Variants in TECTB observed in about 807,000 individuals in gnomAD.
The protein encoded by TECTB is tectorin beta, also known as beta-tectorin.
A neutral mutation model predicts 43.3 loss-of-function variants in TECTB; 45 were observed. The observed-to-expected ratio is 1.04, with a 90% CI of 0.82 to 1.33. TECTB has a LOEUF of 1.33. Ranked by LOEUF, TECTB falls within the 40% of genes most tolerant of loss-of-function variation. The pLI is 0.00. For missense variants in TECTB, 399 were observed against 404.7 expected (o/e 0.99, Z 0.12); for synonymous variants, 169 against 156.7 (o/e 1.08, Z -0.59).
chr10:112,288,793 G>A (rs956559007), intron 5 of TECTB, among the ~76,000 whole-genome samples: 1 of 152,194 alleles, frequency 6.6e-6, no homozygotes, highest in African/African-American at 2.4e-5. Flanking sequence ...CTACTCAGCA[G>A]GCTTCCTCTT....
At position 112,299,496 on chromosome 10, in the gene TECTB, G is replaced by T. The variant is rs148677379; in HGVS notation, c.839G>T (p.Cys280Phe). ...DSEKLSCPVT[C>F]DKRKRLLRDQ... Reference sequence around the variant, plus strand: ...TCTGCCTCTCTGGGTCTTCAGACCTGCGATAAACGGAAGCGCCTCCTGCGA... The same window carrying T: ...TCTGCCTCTCTGGGTCTTCAGACCTTCGATAAACGGAAGCGCCTCCTGCGA... Residue 280 changes from cysteine (C) to phenylalanine (F), a missense_variant, in exon 9 of 11, where the codon TGC becomes TTC. Transcript: ENST00000646139. 6.2e-6 allele frequency: 10 copies of T among 1,614,086 alleles called. No individual in the cohort carries two copies. The highest frequency in any genetic ancestry group is 4.0e-5 in the African/African-American group (3 of 74,928).
intron 2 of TECTB, among the ~76,000 whole-genome samples, chr10:112,284,177 A>G (rs1661120149): frequency 6.6e-6 from 1 of 152,192 alleles, no homozygotes; most frequent in African/African-American, 2.4e-5. Context: ...CATGAAATTG[A>G]CATTTAAAAT....
rs1311845256 is a variant in TECTB, at chr10:112,284,714, A to G, written c.256A>G (p.Thr86Ala). 1 of 1,596,160 alleles carries G rather than the reference A, an allele frequency of 6.3e-7. No homozygotes were observed. The highest frequency in any genetic ancestry group is 8.5e-7 in the Non-Finnish European group (1 of 1,170,274). The stretch of plus-strand genomic sequence containing the variant: ...ACCTAAAAACAAGTCCTATTGTGGA[A>G]CCCAGTCTGAGGTAAGACCAGGCCA... Reference protein sequence around the residue: ...LSPKNKSYCGTQSEYKPPIYH... With the variant: ...LSPKNKSYCGAQSEYKPPIYH... The change falls in exon 3 of 11, where the codon ACC becomes GCC. Residue 86 changes from threonine (T) to alanine (A), a missense_variant. Transcript: ENST00000646139.
intron 7 of TECTB, among the ~76,000 whole-genome samples, chr10:112,296,422 A>G (rs1848547330): frequency 6.6e-6 from 1 of 151,940 alleles, no homozygotes; most frequent in African/African-American, 2.4e-5. Context: ...AGATCTGCCT[A>G]TTTTTTGCCT....
At chr10:112,300,251 AAAG>A (rs1564710483) in intron 9 of TECTB, among the ~76,000 whole-genome samples, 1,028 of 50,020 alleles carry the variant, frequency 0.021, 8 homozygotes, top group Non-Finnish European at 0.022. Flanking sequence ...AGAAAGAAAG[AAAG>A]AAAGAAAGAA....
intron 10 of TECTB, 112 bp from the exon 11 acceptor site, chr10:112,303,151 T>C (rs1408253452): frequency 7.6e-7 from 1 of 1,314,494 alleles, no homozygotes; most frequent in African/African-American, 1.5e-5. Context: ...ATCGACTTTG[T>C]CTAAAATGTG....
At position 112,304,154 on chromosome 10, in the gene TECTB, G is replaced by A. The variant is rs1405204162; in HGVS notation, c.*842G>A. ...AACATGACTATAAAGTGACTCCAAT[G>A]ACACAAGTGCTGTGAGTTTGGTGAC... On this transcript the variant is annotated 3_prime_UTR_variant, in exon 11 of 11. Coordinates refer to ENST00000646139, the MANE Select transcript of TECTB (RefSeq NM_058222.3). 1 of 152,182 alleles carries A rather than the reference G, an allele frequency of 6.6e-6. No homozygotes were observed. Among genetic ancestry groups the A allele is most frequent in the Non-Finnish European group, 1.5e-5 (1 of 68,028 alleles). The allele number at this position is 152,182 out of a possible 1,614,324, so 9.4% of individuals were successfully genotyped here.
In TECTB at chr10:112,299,491, G is replaced by C. The variant is rs1228792056; in HGVS notation, c.835-1G>C. 1 of 1,614,172 alleles carries C rather than the reference G, an allele frequency of 6.2e-7. No individual in the cohort carries two copies. The highest frequency in any genetic ancestry group is 2.2e-5 in the East Asian group (1 of 44,880). On this transcript the variant is annotated splice_acceptor_variant, in intron 8 of 10. Transcript: ENST00000646139. LOFTEE classifies it high-confidence loss of function. ...TCCTGTCTGCCTCTCTGGGTCTTCAGACCTGCGATAAACGGAAGCGCCTCC... is the reference window on the plus strand; with the variant it reads ...TCCTGTCTGCCTCTCTGGGTCTTCACACCTGCGATAAACGGAAGCGCCTCC...
intron 9 of TECTB, 29 bp from the exon 10 acceptor site, chr10:112,302,072 T>G: frequency 6.2e-7 from 1 of 1,612,818 alleles, no homozygotes; most frequent in Non-Finnish European, 8.5e-7. Flanking sequence ...TTTCTTAAAC[T>G]TTCTGCATTC....
intron 10 of TECTB, chr10:112,302,633 A>C: frequency 3.6e-6 from 1 of 275,538 alleles, no homozygotes; most frequent in Non-Finnish European, 6.7e-6. Flanking sequence ...GGCACTGAAC[A>C]ATGCCCAGCA....
intron 9 of TECTB, among the ~76,000 whole-genome samples, chr10:112,300,162 C>CAA (rs1306586232): frequency 2.5e-5 from 1 of 39,964 alleles, no homozygotes; most frequent in African/African-American, 7.8e-5. Flanking sequence ...AACTCCGTCT[C>CAA]AAAAAAAAAA....
In TECTB at chr10:112,293,731, T is replaced by C. The variant is rs1293367236; in HGVS notation, c.484-7T>C. On this transcript the variant is annotated splice_region_variant and splice_polypyrimidine_tract_variant and intron_variant, in intron 5 of 10. Coordinates refer to ENST00000646139, the MANE Select transcript of TECTB (RefSeq NM_058222.3). ...TCATAATGCCCAGTGTCAATTTCCT[T>C]CCAAAGAATGCCAAGTTCTCCATCA... 7.4e-6 allele frequency: 12 copies of C among 1,613,270 alleles called. No individual in the cohort carries two copies. In the South Asian group the frequency reaches 1.2e-4, roughly 16 times the overall value.
intron 10 of TECTB, 29 bp from the exon 11 acceptor site, chr10:112,303,234 T>C: frequency 6.2e-7 from 1 of 1,613,848 alleles, no homozygotes; most frequent in Non-Finnish European, 8.5e-7. Context: ...TGTCTCTGAG[T>C]GCCATCTCCC....
At chr10:112,297,929 G>C in intron 7 of TECTB, 140 bp from the exon 8 acceptor site, 1 of 1,076,232 alleles carries the variant, frequency 9.3e-7, no homozygotes, top group African/African-American at 1.6e-5. Flanking sequence ...TGAAGATCAA[G>C]TGAGGTGCTG....
chr10:112,303,530 T>C lies in TECTB; in HGVS notation c.*218T>C. ...GGCTACTTCCCGTGGCCCTTAGATCTCACAGTCCTTCTACAGCTGGGGGAG... is the reference window on the plus strand; with the variant it reads ...GGCTACTTCCCGTGGCCCTTAGATCCCACAGTCCTTCTACAGCTGGGGGAG... On this transcript the variant is annotated 3_prime_UTR_variant, in exon 11 of 11. Coordinates refer to ENST00000646139, the MANE Select transcript of TECTB (RefSeq NM_058222.3). 1 of 582,432 alleles carries C rather than the reference T, an allele frequency of 1.7e-6. No homozygotes were observed. 36.1% of individuals were successfully genotyped at this position (582,432 alleles called of 1,614,324 possible). A position where few individuals can be genotyped will look rare whatever the true frequency, so the allele number is the denominator to read the frequency against.
rs1848635857 is a variant in TECTB at position 112,304,397 on chromosome 10, C to CAGT, written c.*1088_*1090dup. 1 of 152,224 alleles carries CAGT rather than the reference C, an allele frequency of 6.6e-6. No individual in the cohort carries two copies. The highest frequency in any genetic ancestry group is 1.5e-5 in the Non-Finnish European group (1 of 68,046). The allele number at this position is 152,224 out of a possible 1,614,324, so 9.4% of individuals were successfully genotyped here. A position where few individuals can be genotyped will look rare whatever the true frequency, so the allele number is the denominator to read the frequency against. On this transcript the variant is annotated 3_prime_UTR_variant, in exon 11 of 11. Coordinates refer to ENST00000646139, the MANE Select transcript of TECTB (RefSeq NM_058222.3). The stretch of plus-strand genomic sequence containing the variant: ...TGCAAATGCAGCCAATGAAAGCATG[C>CAGT]AGTAGCACATCTTGGTAACTGGCCA...
At chr10:112,292,352 C>T (rs1344112775) in intron 5 of TECTB, among the ~76,000 whole-genome samples, 1 of 152,144 alleles carries the variant, frequency 6.6e-6, no homozygotes, top group Non-Finnish European at 1.5e-5. Flanking sequence ...TCAGAACCTG[C>T]TGTTACTGTG....
chr10:112,292,226 G>C (rs74965807), intron 5 of TECTB, among the ~76,000 whole-genome samples: 2,687 of 152,108 alleles, frequency 0.018, 97 homozygotes, highest in African/African-American at 0.061. Context: ...TCAGAGAATG[G>C]AGAAATCAGC....
In TECTB at chr10:112,303,670, G is replaced by A. The variant is rs551788660; in HGVS notation, c.*358G>A. 53 of 240,130 alleles carry A rather than the reference G, an allele frequency of 2.2e-4. No individual in the cohort carries two copies. The highest frequency in any genetic ancestry group is 1.2e-3 in the African/African-American group (53 of 45,748). The allele number at this position is 240,130 out of a possible 1,614,324, so 14.9% of individuals were successfully genotyped here. A position where few individuals can be genotyped will look rare whatever the true frequency, so the allele number is the denominator to read the frequency against. On this transcript the variant is annotated 3_prime_UTR_variant, in exon 11 of 11. Coordinates refer to ENST00000646139, the MANE Select transcript of TECTB (RefSeq NM_058222.3). ...TACTGCTGAGCATTTTGAAGAGAAT[G>A]TAGGGTGCAACTACAAAGTCAACAC...
Sources: allele counts gnomAD v4.1 joint callset (sites outside exome capture counted in the v4.1 genomes callset), GRCh38; gene constraint gnomAD v4.1.1; transcripts MANE v1.5; gene names NCBI Gene and HGNC (gene_info 2026-07-23, HGNC 2026-07-21).